LRRC61: variants seen among roughly 807,000 people sequenced by gnomAD.
LRRC61 encodes the protein leucine-rich repeat-containing protein 61.
LRRC61 carries 9 observed loss-of-function variants against 15.1 expected under a neutral mutation model. That is an observed-to-expected ratio of 0.60 (90% confidence interval 0.36 to 1.04). LRRC61 has a LOEUF of 1.04. Ranked by LOEUF, LRRC61 falls within the 50% of genes least tolerant of loss-of-function variation. The probability of loss-of-function intolerance (pLI) is 0.01; values close to 1 mark genes in which losing one functional copy is unlikely to be tolerated. For synonymous variants in LRRC61, 173 were observed against 158.6 expected (o/e 1.09, Z -0.68); for missense variants, 344 against 335.6 (o/e 1.03, Z -0.20).
the LRRC61 span, among the ~76,000 whole-genome samples, chr7:150,316,070 G>A: frequency 6.6e-6 from 1 of 152,196 alleles, no homozygotes; most frequent in South Asian, 2.1e-4. Flanking sequence ...CGTGGCACAT[G>A]CCTGTAATCC....
upstream of LRRC61, among the ~76,000 whole-genome samples, chr7:150,320,974 G>A (rs1409563112): frequency 6.6e-6 from 1 of 152,140 alleles, no homozygotes; most frequent in Non-Finnish European, 1.5e-5. Context: ...CTCACTCTTT[G>A]ACTAAACTTG....
chr7:150,316,687 T>C, the LRRC61 span, among the ~76,000 whole-genome samples: 1 of 152,152 alleles, frequency 6.6e-6, no homozygotes, highest in African/African-American at 2.4e-5. Context: ...GGTTTCACCA[T>C]GTTGGCCAGG....
chr7:150,319,525 G>C (rs765461717), upstream of LRRC61, among the ~76,000 whole-genome samples: 6 of 152,074 alleles, frequency 3.9e-5, no homozygotes, highest in Non-Finnish European at 5.9e-5. Flanking sequence ...ACTTCTTAAG[G>C]GTCTGTCTAG....
In LRRC61 at chr7:150,337,689, C is replaced by T. The variant is rs1173026664; in HGVS notation, c.*48C>T. 1.3e-6 allele frequency: 2 copies of T among 1,500,074 alleles called. No homozygotes were observed. The highest frequency in any genetic ancestry group is 2.3e-5 in the Admixed American group (1 of 43,044). 92.9% of individuals were successfully genotyped at this position (1,500,074 alleles called of 1,614,324 possible). On this transcript the variant is annotated 3_prime_UTR_variant, in exon 3 of 3. Coordinates refer to ENST00000359623, the MANE Select transcript of LRRC61 (RefSeq NM_001142928.2). The stretch of plus-strand genomic sequence containing the variant: ...GCCTGGCAGGTGGCCTCGCTGCCCC[C>T]AGTTCCCCTCTCTGCCCCCACACTC...
upstream of LRRC61, among the ~76,000 whole-genome samples, chr7:150,320,380 T>C (rs1015090730): frequency 6.6e-6 from 1 of 152,240 alleles, no homozygotes; most frequent in Non-Finnish European, 1.5e-5. Context: ...ACAGACTATC[T>C]GTATTGTTAT....
rs1425342185 is a variant in LRRC61, at chr7:150,330,209, CCT to C, written c.-145+4200_-145+4201del. The C allele has an allele frequency of 5.0e-6, 3 of 596,944 alleles. No individual in the cohort carries two copies. In the African/African-American group the frequency reaches 5.6e-5, roughly 11 times the overall value. 37.0% of individuals were successfully genotyped at this position (596,944 alleles called of 1,614,324 possible). ...CCCAGCTCCAGCGCCAGCGCAGCCT[CCT>C]AGCCCACCAGCCCTTTGAGGAGCTC... On this transcript the variant is annotated intron_variant, in intron 2 of 2. Coordinates refer to ENST00000359623, the MANE Select transcript of LRRC61 (RefSeq NM_001142928.2). This position sits in a 1 kb window ranked among gnomAD's most constrained non-coding sequence, Gnocchi z 4.6.
the LRRC61 span, among the ~76,000 whole-genome samples, chr7:150,313,671 G>A: frequency 6.6e-6 from 1 of 152,032 alleles, no homozygotes; most frequent in African/African-American, 2.4e-5. Context: ...CAATGCCCTG[G>A]CCAAGAGGAG....
chr7:150,320,656 C>T (rs1797410807), upstream of LRRC61, among the ~76,000 whole-genome samples: 1 of 152,074 alleles, frequency 6.6e-6, no homozygotes, highest in African/African-American at 2.4e-5. Context: ...CCAGCTACTT[C>T]GAAGGCTGAA....
In LRRC61 at chr7:150,330,686, C is replaced by T. The variant is rs202189755; in HGVS notation, c.-145+4676C>T. 19 of 1,447,122 alleles carry T rather than the reference C, an allele frequency of 1.3e-5. No individual in the cohort carries two copies. The highest frequency in any genetic ancestry group is 5.0e-5 in the Admixed American group (3 of 59,816). 89.6% of individuals were successfully genotyped at this position (1,447,122 alleles called of 1,614,324 possible). A position where few individuals can be genotyped will look rare whatever the true frequency, so the allele number is the denominator to read the frequency against. ...AGGCCATCCTGCCATGGGGGCCGAC[C>T]GACATTGACCACTGGAAGCAAGTCC... On this transcript the variant is annotated intron_variant, in intron 2 of 2. Transcript: ENST00000359623. This position sits in a 1 kb window ranked among gnomAD's most constrained non-coding sequence, Gnocchi z 4.6.
chr7:150,315,404 A>G, the LRRC61 span, among the ~76,000 whole-genome samples: 1 of 152,198 alleles, frequency 6.6e-6, no homozygotes, highest in Non-Finnish European at 1.5e-5. Context: ...AACGCCTACA[A>G]ATCAATCAGG....
chr7:150,316,480 G>GTTTTTTTTTTTTTTTTTT, the LRRC61 span, among the ~76,000 whole-genome samples: 1 of 131,732 alleles, frequency 7.6e-6, no homozygotes. Flanking sequence ...TTAGAATCTG[G>GTTTTTTTTTTTTTTTTTT]TTATTTTTTT....
chr7:150,331,071 T>C, intron 2 of LRRC61: 1 of 1,613,086 alleles, frequency 6.2e-7, no homozygotes, highest in Middle Eastern at 1.7e-4. Context: ...GCGAGAAGCC[T>C]GGCCACCATC....
intron 2 of LRRC61, chr7:150,331,361 G>C (rs1012652154): frequency 2.2e-6 from 1 of 453,778 alleles, no homozygotes; most frequent in Non-Finnish European, 4.0e-6. Context: ...CTCCTAGAGA[G>C]CCCCTGCCTG....
intron 1 of LRRC61, among the ~76,000 whole-genome samples, chr7:150,325,502 C>G (rs1165683258): frequency 6.6e-6 from 1 of 152,200 alleles, no homozygotes; most frequent in Non-Finnish European, 1.5e-5. Context: ...GGGTCTGGCT[C>G]TGTTGCTCAG....
Position 150,330,583 on chromosome 7 carries a change from G to A in LRRC61, c.-145+4573G>A, listed in dbSNP as rs139310721. The A allele has an allele frequency of 6.3e-6, 5 of 795,760 alleles. No individual in the cohort carries two copies. Among genetic ancestry groups the A allele is most frequent in the Admixed American group, 5.1e-5 (3 of 58,920 alleles). The allele number at this position is 795,760 out of a possible 1,614,324, so 49.3% of individuals were successfully genotyped here. A position where few individuals can be genotyped will look rare whatever the true frequency, so the allele number is the denominator to read the frequency against. On this transcript the variant is annotated intron_variant, in intron 2 of 2. Transcript: ENST00000359623. This position sits in a 1 kb window ranked among gnomAD's most constrained non-coding sequence, Gnocchi z 4.6. ...TTGGCCCGGCAGCTCTGCACCGACTGTCAGCTCAACAAGCTCTTCTACCGC... is the reference window on the plus strand; with the variant it reads ...TTGGCCCGGCAGCTCTGCACCGACTATCAGCTCAACAAGCTCTTCTACCGC...
chr7:150,331,059 A>C, intron 2 of LRRC61: 1 of 1,612,476 alleles, frequency 6.2e-7, no homozygotes, highest in Non-Finnish European at 8.5e-7. Context: ...CTGGGAGAAG[A>C]AGCGAGAAGC....
chr7:150,329,229 C>T (rs367666679), intron 2 of LRRC61, among the ~76,000 whole-genome samples: 9 of 152,260 alleles, frequency 5.9e-5, no homozygotes, highest in East Asian at 1.9e-4. Context: ...GAGCTTCTGC[C>T]GACTTATCCC....
At chr7:150,319,205 CT>C (rs199647156), upstream of LRRC61, among the ~76,000 whole-genome samples, 42,060 of 140,466 alleles carry the variant, frequency 0.3, 5,910 homozygotes, top group East Asian at 0.56. Context: ...ATTGCTTCTT[CT>C]TTTTTTTTTT....
chr7:150,329,562 G>T (rs1182263403), intron 2 of LRRC61, among the ~76,000 whole-genome samples: 1 of 152,234 alleles, frequency 6.6e-6, no homozygotes, highest in Non-Finnish European at 1.5e-5. Context: ...AGTGGGCTGT[G>T]AGGAAACAAG....
Sources: gnomAD v4.1 joint callset for allele counts (sites outside exome capture counted in the v4.1 genomes callset) on GRCh38, gnomAD v4.1.1 for gene constraint, Gnocchi (gnomAD v3.1) non-coding constraint, MANE v1.5 for transcripts, NCBI Gene and HGNC (gene_info 2026-07-23, HGNC 2026-07-21) for gene names.